The following MICU1 variants were observed in gnomAD, a reference collection of about 807,000 sequenced individuals.
MICU1 encodes the protein calcium uptake protein 1, mitochondrial.
In MICU1, 45 loss-of-function variants were observed where a neutral mutation model predicts 56.8. The ratio of observed to expected loss-of-function variants is 0.79; its 90% CI spans 0.62 to 1.02. The LOEUF is 1.02. Ranked by LOEUF, MICU1 falls within the 50% of genes least tolerant of loss-of-function variation. MICU1 has a pLI of 0.00. For synonymous variants in MICU1, 186 were observed against 195.1 expected (o/e 0.95, Z 0.39); for missense variants, 504 against 587.1 (o/e 0.86, Z 1.46).
intron 2 of MICU1, among the ~76,000 whole-genome samples, chr10:72,565,874 A>G (rs566870556): frequency 6.6e-6 from 1 of 152,120 alleles, no homozygotes; most frequent in Non-Finnish European, 1.5e-5. Context: ...AACAGTAACT[A>G]TGTATTTTAA....
rs1015689965 is a variant in MICU1 at position 72,603,320 on chromosome 10, G to A, written c.-2+22690C>T. 4.6e-5 allele frequency among the ~76,000 whole-genome samples: 7 copies of A among 151,548 alleles called. No individual in the cohort carries two copies. The East Asian group carries it at 5.8e-4, about 13-fold the overall frequency. Reference sequence around the variant, plus strand: ...AAGAATAGCCTGAACCTGGGAGATGGAGGTTGCAGTGAGCTGAGATCATGC... The same window carrying A: ...AAGAATAGCCTGAACCTGGGAGATGAAGGTTGCAGTGAGCTGAGATCATGC... On this transcript the variant is annotated intron_variant, in intron 1 of 11. Transcript: ENST00000361114.
chr10:72,376,149 G>A (rs947049940), intron 10 of MICU1, among the ~76,000 whole-genome samples: 11 of 151,834 alleles, frequency 7.2e-5, no homozygotes, highest in African/African-American at 1.7e-4. Flanking sequence ...AAAATTAGCC[G>A]GTGCCTGTAA....
intron 8 of MICU1, among the ~76,000 whole-genome samples, chr10:72,456,821 TG>T (rs1379173397): frequency 6.7e-6 from 1 of 150,316 alleles, no homozygotes; most frequent in Non-Finnish European, 1.5e-5. Context: ...CCCAAGTAGC[TG>T]GGATGCACCA....
At chr10:72,607,437 G>A (rs936385189) in intron 1 of MICU1, among the ~76,000 whole-genome samples, 18 of 149,210 alleles carry the variant, frequency 1.2e-4, no homozygotes, top group Non-Finnish European at 2.2e-4. Flanking sequence ...CCAGGAGATC[G>A]AGACCTTCCT....
At chr10:72,524,594 A>T (rs972478160) in intron 5 of MICU1, 41 of 474,824 alleles carry the variant, frequency 8.6e-5, no homozygotes, top group Admixed American at 3.1e-4. Flanking sequence ...AAGTATGTTA[A>T]TTTAAAGTGA....
At chr10:72,602,091 C>T (rs983002351) in intron 1 of MICU1, among the ~76,000 whole-genome samples, 6 of 151,544 alleles carry the variant, frequency 4.0e-5, no homozygotes, top group Non-Finnish European at 7.4e-5. Flanking sequence ...AGCCACCATG[C>T]CTGGAGTAAT....
At chr10:72,483,711 G>T in intron 6 of MICU1, 1 of 159,990 alleles carries the variant, frequency 6.3e-6, no homozygotes, top group South Asian at 1.7e-4. Flanking sequence ...GTCACCTGCA[G>T]AGCTATATTT....
At chr10:72,434,465 T>C (rs550958491) in intron 8 of MICU1, among the ~76,000 whole-genome samples, 14 of 152,132 alleles carry the variant, frequency 9.2e-5, no homozygotes, top group Non-Finnish European at 1.5e-4. Context: ...TCCTTTTAGA[T>C]GACTCTTCAG....
chr10:72,539,706 A>G (rs76507677), intron 4 of MICU1, among the ~76,000 whole-genome samples: 1,647 of 152,284 alleles, frequency 0.011, 25 homozygotes, highest in South Asian at 0.029. Context: ...ACTCAACTAA[A>G]TATTAGTAGG....
intron 4 of MICU1, among the ~76,000 whole-genome samples, chr10:72,538,475 G>A (rs570491493): frequency 6.6e-6 from 1 of 152,186 alleles, no homozygotes; most frequent in South Asian, 2.1e-4. Context: ...TTAAAGTGTA[G>A]AGTTTTTGTG....
chr10:72,578,895 G>A (rs557114666), intron 1 of MICU1, among the ~76,000 whole-genome samples: 13 of 152,206 alleles, frequency 8.5e-5, no homozygotes, highest in South Asian at 8.3e-4. Flanking sequence ...GTGAGTCACC[G>A]CGCCCAGCCT....
At position 72,438,994 on chromosome 10, in the gene MICU1, C is replaced by T. The variant is rs551748501; in HGVS notation, c.934-15623G>A. On this transcript the variant is annotated intron_variant, in intron 8 of 11. Transcript: ENST00000361114. ...GTACAAAAAGGAGTTGGTACCATTCCTTCTGAAACTATTCCAATCAATAGA... is the reference window on the plus strand; with the variant it reads ...GTACAAAAAGGAGTTGGTACCATTCTTTCTGAAACTATTCCAATCAATAGA... Among the ~76,000 whole-genome samples the T allele has an allele frequency of 1.1e-4, 16 of 152,282 alleles. No individual in the cohort carries two copies. In the East Asian group the frequency reaches 3.1e-3, roughly 29 times the overall value.
At chr10:72,545,453 T>C (rs1839872959) in intron 4 of MICU1, among the ~76,000 whole-genome samples, 1 of 152,212 alleles carries the variant, frequency 6.6e-6, no homozygotes, top group South Asian at 2.1e-4. Flanking sequence ...ATACACTGGT[T>C]TGGTCCAGAA....
chr10:72,600,823 A>G (rs1841511484), intron 1 of MICU1, among the ~76,000 whole-genome samples: 1 of 152,214 alleles, frequency 6.6e-6, no homozygotes, highest in Admixed American at 6.5e-5. Context: ...AATCAGGTTC[A>G]GTACTATCTG....
At chr10:72,387,423 T>C (rs961951607) in intron 10 of MICU1, among the ~76,000 whole-genome samples, 3 of 152,208 alleles carry the variant, frequency 2.0e-5, no homozygotes, top group Non-Finnish European at 4.4e-5. Flanking sequence ...TCTGTTTATA[T>C]AAAGAGTTGT....
rs950867138 is a variant in MICU1 at position 72,430,603 on chromosome 10, C to G, written c.934-7232G>C. On this transcript the variant is annotated intron_variant, in intron 8 of 11. Coordinates refer to ENST00000361114, the MANE Select transcript of MICU1 (RefSeq NM_001195518.2). ...TTAGATAGGGTCTCGCTCTGTTGCC[C>G]AGGCTGGAGTGCAATGGCGTGATCT... Among the ~76,000 whole-genome samples, 18 of 152,264 alleles carry G rather than the reference C, an allele frequency of 1.2e-4. No homozygotes were observed. The East Asian group carries it at 3.5e-3, about 29-fold the overall frequency.
At chr10:72,469,411 T>C (rs1468141842) in intron 8 of MICU1, among the ~76,000 whole-genome samples, 1 of 152,218 alleles carries the variant, frequency 6.6e-6, no homozygotes, top group African/African-American at 2.4e-5. Context: ...ACTACTAATC[T>C]TTTCTATTTT....
chr10:72,566,964 G>A (rs752518265), intron 1 of MICU1, among the ~76,000 whole-genome samples, 170 bp from the exon 2 acceptor site: 5 of 152,072 alleles, frequency 3.3e-5, no homozygotes, highest in Non-Finnish European at 5.9e-5. Flanking sequence ...AATCTTATGA[G>A]CAAAGTACTA....
chr10:72,382,737 C>T (rs181649310), intron 10 of MICU1, among the ~76,000 whole-genome samples: 3 of 151,994 alleles, frequency 2.0e-5, no homozygotes, highest in South Asian at 2.1e-4. Flanking sequence ...GGCGAAACCC[C>T]GTCTCTACTA....
Sources: gnomAD v4.1 joint callset for allele counts (sites outside exome capture counted in the v4.1 genomes callset) on GRCh38, gnomAD v4.1.1 for gene constraint, MANE v1.5 for transcripts, NCBI Gene and HGNC (gene_info 2026-07-23, HGNC 2026-07-21) for gene names.